Variants in SKAP1 observed in about 807,000 individuals in gnomAD.
SKAP1 encodes src kinase associated phosphoprotein 1.
Under a neutral mutation model 58.5 loss-of-function variants are expected in SKAP1, and 44 were observed. That is an observed-to-expected ratio of 0.75 (90% confidence interval 0.59 to 0.97). The LOEUF (loss-of-function observed/expected upper bound fraction) is 0.97, where lower values mean the gene tolerates loss of function less well. Ranked by LOEUF, SKAP1 falls within the 50% of genes least tolerant of loss-of-function variation. The probability of loss-of-function intolerance (pLI) is 0.00; values close to 1 mark genes in which losing one functional copy is unlikely to be tolerated. For missense variants in SKAP1, 390 were observed against 435.2 expected, an observed-to-expected ratio of 0.90 and a Z score of 0.92; for synonymous variants, 127 against 149.7, an observed-to-expected ratio of 0.85 and a Z score of 1.11.
At chr17:48,353,918 G>A (rs908749689) in intron 3 of SKAP1, among the ~76,000 whole-genome samples, 19 of 137,254 alleles carry the variant, frequency 1.4e-4, no homozygotes, top group South Asian at 6.9e-4. Context: ...AAAAAGAAAA[G>A]AAAAGAAGAA....
intron 4 of SKAP1, chr17:48,307,455 C>A (rs562593259): frequency 6.6e-6 from 1 of 152,224 alleles, no homozygotes; most frequent in African/African-American, 2.4e-5. Context: ...AACGTGTGAC[C>A]GGCTCAGGCC....
At chr17:48,438,484 T>G in the SKAP1 span, among the ~76,000 whole-genome samples, 1 of 152,158 alleles carries the variant, frequency 6.6e-6, no homozygotes, top group African/African-American at 2.4e-5. Context: ...GATGAGAGTT[T>G]TCCTCTTTAT....
At chr17:48,434,182 T>A (rs984279918), upstream of SKAP1, among the ~76,000 whole-genome samples, 1 of 152,208 alleles carries the variant, frequency 6.6e-6, no homozygotes, top group Non-Finnish European at 1.5e-5. Context: ...GTTTATTGAC[T>A]CTTTTATTGA....
intron 1 of SKAP1, among the ~76,000 whole-genome samples, chr17:48,401,090 G>A (rs1299503102): frequency 6.6e-6 from 1 of 152,162 alleles, no homozygotes; most frequent in African/African-American, 2.4e-5. Flanking sequence ...TGGATCACCT[G>A]AGGTCAGGAG....
intron 4 of SKAP1, among the ~76,000 whole-genome samples, chr17:48,244,612 CA>C (rs2065275686): frequency 9.3e-6 from 1 of 107,890 alleles, no homozygotes; most frequent in African/African-American, 2.7e-5. Flanking sequence ...CAAACATTAA[CA>C]AATAGTTGGG....
chr17:48,366,708 A>C lies in SKAP1; in HGVS notation c.153-2894T>G, dbSNP rs574836867. Among the ~76,000 whole-genome samples the C allele has an allele frequency of 8.9e-4, 135 of 152,288 alleles. 1 individual carries two copies. Among genetic ancestry groups the C allele is most frequent in the African/African-American group, 3.0e-3 (124 of 41,554 alleles). Reference sequence around the variant, plus strand: ...CATAGCTAATCAAGCAAATCATCAAATGGCTGAGCAATTTTCCATCTACTC... The same window carrying C: ...CATAGCTAATCAAGCAAATCATCAACTGGCTGAGCAATTTTCCATCTACTC... On this transcript the variant is annotated intron_variant, in intron 2 of 12. Coordinates refer to ENST00000336915, the MANE Select transcript of SKAP1 (RefSeq NM_003726.4).
At chr17:48,247,161 C>T (rs1465377354) in intron 4 of SKAP1, among the ~76,000 whole-genome samples, 1 of 152,196 alleles carries the variant, frequency 6.6e-6, no homozygotes, top group Non-Finnish European at 1.5e-5. Flanking sequence ...TCTGTGTACT[C>T]ACTGTGTGCA....
At chr17:48,269,124 G>T (rs1598490651) in intron 4 of SKAP1, among the ~76,000 whole-genome samples, 1 of 151,998 alleles carries the variant, frequency 6.6e-6, no homozygotes, top group East Asian at 1.9e-4. Context: ...TTTGGAACAA[G>T]ATCAATTTAG....
intron 10 of SKAP1, among the ~76,000 whole-genome samples, chr17:48,164,225 T>C (rs2064106965): frequency 6.6e-6 from 1 of 152,244 alleles, no homozygotes; most frequent in African/African-American, 2.4e-5. Context: ...TCCATTTTAA[T>C]GGAGTTGATT....
intron 4 of SKAP1, among the ~76,000 whole-genome samples, chr17:48,288,068 A>C (rs2065854575): frequency 6.6e-6 from 1 of 152,224 alleles, no homozygotes; most frequent in Admixed American, 6.5e-5. Flanking sequence ...TAATTACTGT[A>C]TATTTAGTAA....
chr17:48,148,196 G>T (rs2063855173), intron 11 of SKAP1, among the ~76,000 whole-genome samples: 1 of 152,210 alleles, frequency 6.6e-6, no homozygotes, highest in Non-Finnish European at 1.5e-5. Context: ...TGTTGTGGGT[G>T]AAATGTGTGC....
At chr17:48,200,410 C>T (rs1196835394) in intron 4 of SKAP1, among the ~76,000 whole-genome samples, 1 of 151,516 alleles carries the variant, frequency 6.6e-6, no homozygotes, top group Non-Finnish European at 1.5e-5. Context: ...GAGTTTCACT[C>T]TTGTTGCCCA....
At chr17:48,194,894 T>TA (rs1174231113) in intron 4 of SKAP1, among the ~76,000 whole-genome samples, 2 of 152,224 alleles carry the variant, frequency 1.3e-5, no homozygotes, top group East Asian at 3.9e-4. Context: ...AGTACTCATG[T>TA]AAAAAACCTG....
intron 4 of SKAP1, among the ~76,000 whole-genome samples, chr17:48,309,226 A>T (rs940482041): frequency 1.3e-5 from 2 of 152,118 alleles, no homozygotes; most frequent in Non-Finnish European, 2.9e-5. Context: ...AGTGGTTCTA[A>T]TAACTTGGTT....
At chr17:48,135,659 T>A (rs1055979891) in intron 12 of SKAP1, among the ~76,000 whole-genome samples, 1 of 151,944 alleles carries the variant, frequency 6.6e-6, no homozygotes, top group African/African-American at 2.4e-5. Context: ...TTAAAAAAAA[T>A]TTTGTAGAGA....
At chr17:48,412,524 G>A (rs910926155) in intron 1 of SKAP1, among the ~76,000 whole-genome samples, 3 of 152,162 alleles carry the variant, frequency 2.0e-5, no homozygotes, top group African/African-American at 4.8e-5. Context: ...TTGTGAAAAA[G>A]GAAAGGAAGC....
intron 1 of SKAP1, among the ~76,000 whole-genome samples, chr17:48,422,836 G>T (rs1014492720): frequency 6.6e-6 from 1 of 152,154 alleles, no homozygotes; most frequent in African/African-American, 2.4e-5. Flanking sequence ...GACAATGAAT[G>T]ATGAGGAAAG....
Position 48,363,795 on chromosome 17 carries a change from G to T in SKAP1, c.172C>A (p.Pro58Thr), listed in dbSNP as rs368159992. The change falls in exon 3 of 13, where the codon CCC becomes ACC. Residue 58 changes from proline to threonine, a missense_variant. Physicochemically the swap from Pro to Thr is conservative, Grantham distance 38. Transcript: ENST00000336915. ...IKARYYWDFQ[P>T]QGGDIGQDSS... ...GTGGTCAAAGAGGACTCACCTTGGG[G>T]CTGAAAATCCCAATAGTACCTGAAA... The T allele has an allele frequency of 6.2e-6, 10 of 1,606,070 alleles. No individual in the cohort carries two copies. The South Asian group carries it at 1.0e-4, about 16-fold the overall frequency.
chr17:48,366,432 C>T (rs538882415), intron 2 of SKAP1, among the ~76,000 whole-genome samples: 4 of 143,164 alleles, frequency 2.8e-5, no homozygotes, highest in African/African-American at 1.1e-4. Flanking sequence ...TTGACATCTG[C>T]AGTAGCAAAG....
Sources: allele counts gnomAD v4.1 joint callset (sites outside exome capture counted in the v4.1 genomes callset), GRCh38; gene constraint gnomAD v4.1.1; transcripts MANE v1.5; gene names NCBI Gene and HGNC (gene_info 2026-07-23, HGNC 2026-07-21).